The following RCBTB2 variants were observed in gnomAD, a reference collection of about 807,000 sequenced individuals.
RCBTB2 encodes the protein RCC1 and BTB domain-containing protein 2.
Under a neutral mutation model 65.4 loss-of-function variants are expected in RCBTB2, and 55 were observed. That is an observed-to-expected ratio of 0.84 (90% confidence interval 0.68 to 1.05). The LOEUF (loss-of-function observed/expected upper bound fraction) is 1.05, where lower values mean the gene tolerates loss of function less well. RCBTB2 is among the 50% of genes least tolerant of loss of function. RCBTB2 has a pLI of 0.00. For synonymous variants in RCBTB2, 220 were observed against 255.2 expected (o/e 0.86, Z 1.31); for missense variants, 599 against 680.1 (o/e 0.88, Z 1.33).
rs1399157092 is a variant in RCBTB2 at position 48,510,778 on chromosome 13, G to A, written c.784-7C>T. The A allele has an allele frequency of 6.2e-7, 1 of 1,606,706 alleles. No individual in the cohort carries two copies. The highest frequency in any genetic ancestry group is 1.1e-5 in the South Asian group (1 of 90,386). On this transcript the variant is annotated splice_region_variant and splice_polypyrimidine_tract_variant and intron_variant, in intron 9 of 14. Coordinates refer to ENST00000344532, the MANE Select transcript of RCBTB2 (RefSeq NM_001268.4). ...GTGCGTAGCCACAGGCGACCTGGAA[G>A]GAAAAAAATCCACTCAGGACTGCAA...
In RCBTB2 at chr13:48,499,603, G is replaced by C; in HGVS notation, c.1384+18C>G. ...TCCTCAACATTTTGCCAAGTTTTTGGAAGTCTTTGGCAATTACCTACTGCC... is the reference window on the plus strand; with the variant it reads ...TCCTCAACATTTTGCCAAGTTTTTGCAAGTCTTTGGCAATTACCTACTGCC... On this transcript the variant is annotated intron_variant, in intron 13 of 14. Transcript: ENST00000344532. The C allele has an allele frequency of 6.2e-7, 1 of 1,611,078 alleles. No individual in the cohort carries two copies. The highest frequency in any genetic ancestry group is 1.1e-5 in the South Asian group (1 of 90,406).
intron 10 of RCBTB2, among the ~76,000 whole-genome samples, chr13:48,505,086 G>A (rs1439852338): frequency 2.0e-5 from 3 of 150,382 alleles, no homozygotes; most frequent in Non-Finnish European, 4.4e-5. Context: ...CAGCTCAAAG[G>A]AAAACAAAAA....
chr13:48,497,848 G>A (rs578114714), intron 13 of RCBTB2, among the ~76,000 whole-genome samples: 1 of 152,176 alleles, frequency 6.6e-6, no homozygotes, highest in Non-Finnish European at 1.5e-5. Context: ...GTTGTGAATG[G>A]CTTCATTGTT....
At chr13:48,495,160 C>A (rs1949912852) in intron 14 of RCBTB2, among the ~76,000 whole-genome samples, 2 of 152,012 alleles carry the variant, frequency 1.3e-5, no homozygotes, top group Non-Finnish European at 2.9e-5. Flanking sequence ...GATGTTACAG[C>A]CTGTTTCCTA....
intron 4 of RCBTB2, among the ~76,000 whole-genome samples, chr13:48,521,129 A>T (rs1951401190): frequency 6.6e-6 from 1 of 152,010 alleles, no homozygotes; most frequent in African/African-American, 2.4e-5. Context: ...TTTTTGTAGG[A>T]CTCTCGAGTT....
intron 14 of RCBTB2, chr13:48,491,665 A>G (rs1367374812): frequency 6.6e-6 from 1 of 152,202 alleles, no homozygotes; most frequent in African/African-American, 2.4e-5. Flanking sequence ...CACCACACAC[A>G]TTAGAGTGTG....
chr13:48,515,166 C>A (rs757005081), intron 6 of RCBTB2, 39 bp downstream of exon 6: 2 of 1,586,702 alleles, frequency 1.3e-6, no homozygotes, highest in South Asian at 1.1e-5. Context: ...AGGGCAGCTG[C>A]GAATAAAGCT....
At chr13:48,519,417 A>C (rs1358063407) in intron 4 of RCBTB2, among the ~76,000 whole-genome samples, 1 of 152,228 alleles carries the variant, frequency 6.6e-6, no homozygotes, top group Non-Finnish European at 1.5e-5. Flanking sequence ...GTCTAGAATC[A>C]GGCTGTAAAT....
At chr13:48,523,600 A>G (rs1264934193) in intron 2 of RCBTB2, among the ~76,000 whole-genome samples, 4 of 152,122 alleles carry the variant, frequency 2.6e-5, no homozygotes, top group Non-Finnish European at 5.9e-5. Flanking sequence ...CACTTTTTCC[A>G]TATTTGCCCC....
chr13:48,504,949 T>G (rs779287890), intron 10 of RCBTB2, among the ~76,000 whole-genome samples: 1 of 152,132 alleles, frequency 6.6e-6, no homozygotes, highest in African/African-American at 2.4e-5. Context: ...TCTTAGCCCT[T>G]GAAAACCACC....
chr13:48,532,266 C>G (rs1036574783), intron 1 of RCBTB2: 1 of 152,248 alleles, frequency 6.6e-6, no homozygotes. Flanking sequence ...CTGAGCAGAG[C>G]ACTATGTTGC....
chr13:48,532,014 T>C (rs1178245886), intron 1 of RCBTB2: 1 of 152,174 alleles, frequency 6.6e-6, no homozygotes, highest in African/African-American at 2.4e-5. Flanking sequence ...AGAGCACTGT[T>C]TGTGAACTCA....
chr13:48,515,819 G>A, intron 4 of RCBTB2, 78 bp from the exon 5 acceptor site: 1 of 1,393,460 alleles, frequency 7.2e-7, no homozygotes, highest in East Asian at 2.4e-5. Context: ...TGTAGAAGAG[G>A]GCGAACACTG....
chr13:48,514,444 A>G (rs1950974070), intron 6 of RCBTB2, among the ~76,000 whole-genome samples: 1 of 152,240 alleles, frequency 6.6e-6, no homozygotes, highest in Non-Finnish European at 1.5e-5. Flanking sequence ...CAGGTAACTG[A>G]AACTTGAGAA....
chr13:48,520,278 C>T (rs944113934), intron 4 of RCBTB2, among the ~76,000 whole-genome samples: 14 of 152,132 alleles, frequency 9.2e-5, no homozygotes, highest in Admixed American at 7.9e-4. Flanking sequence ...TGCATGACAG[C>T]AGCTGTCTCT....
In RCBTB2 at chr13:48,526,593, A is replaced by C. The variant is rs189198733; in HGVS notation, c.-218-1836T>G. 2.1e-3 allele frequency among the ~76,000 whole-genome samples: 322 copies of C among 152,252 alleles called. 1 individual carries two copies. The highest frequency in any genetic ancestry group is 3.8e-3 in the Non-Finnish European group (256 of 68,004). On this transcript the variant is annotated intron_variant, in intron 1 of 14. Transcript: ENST00000344532. ...GATCGCACCACTGCACATTAGCCTA[A>C]GCAACAGAGCAAGACTCTGTCTCTA...
At chr13:48,495,614 G>A (rs777468587) in intron 14 of RCBTB2, among the ~76,000 whole-genome samples, 62 of 152,308 alleles carry the variant, frequency 4.1e-4, no homozygotes, top group Non-Finnish European at 8.4e-4. Context: ...GAAGAATTAT[G>A]TCTTTAATTT....
chr13:48,525,016 GA>G (rs1951631541), intron 1 of RCBTB2, among the ~76,000 whole-genome samples: 1 of 151,754 alleles, frequency 6.6e-6, no homozygotes. Context: ...TGAAACACAT[GA>G]AAAAATGCAC....
intron 1 of RCBTB2, chr13:48,531,906 T>A (rs1032664980): frequency 6.6e-6 from 1 of 152,160 alleles, no homozygotes; most frequent in African/African-American, 2.4e-5. Context: ...CACTGTCTAG[T>A]AAGGTGTAAA....
Sources: allele counts gnomAD v4.1 joint callset (sites outside exome capture counted in the v4.1 genomes callset), GRCh38; gene constraint gnomAD v4.1.1; transcripts MANE v1.5; gene names NCBI Gene and HGNC (gene_info 2026-07-23, HGNC 2026-07-21).